Variants in MYMX observed in about 807,000 individuals in gnomAD.
MYMX encodes the protein myomixer, myoblast fusion factor, also known as protein myomixer.
chr6:44,199,143 A>G, the MYMX span, among the ~76,000 whole-genome samples: 1 of 152,036 alleles, frequency 6.6e-6, no homozygotes, highest in African/African-American at 2.4e-5. Flanking sequence ...ATATTACCAG[A>G]TTGGCCAGAT....
chr6:44,209,182 T>C, the MYMX span, among the ~76,000 whole-genome samples: 1 of 152,200 alleles, frequency 6.6e-6, no homozygotes, highest in Non-Finnish European at 1.5e-5. Context: ...CAGGCTGATC[T>C]TGAACTCCTA....
At chr6:44,211,816 G>A in the MYMX span, among the ~76,000 whole-genome samples, 2 of 151,126 alleles carry the variant, frequency 1.3e-5, no homozygotes, top group South Asian at 4.2e-4. Context: ...GTGTGTGTGT[G>A]TGTGTGTTTA....
chr6:44,214,983 G>A (rs9357436), upstream of MYMX, among the ~76,000 whole-genome samples: 18,878 of 152,160 alleles, frequency 0.12, 1,544 homozygotes, highest in East Asian at 0.25. Context: ...TACCTTCTCC[G>A]GAAGCAACTG....
the MYMX span, among the ~76,000 whole-genome samples, chr6:44,200,606 C>T: frequency 0.27 from 40,611 of 152,092 alleles, 5,685 homozygotes; most frequent in East Asian, 0.41. Context: ...TGAGCCATCG[C>T]GCCTGGCCAT....
chr6:44,204,700 C>T, the MYMX span, among the ~76,000 whole-genome samples: 1 of 152,148 alleles, frequency 6.6e-6, no homozygotes, highest in African/African-American at 2.4e-5. Flanking sequence ...CATTTCCTCC[C>T]CTCACCCTCT....
At chr6:44,195,123 A>C in the MYMX span, among the ~76,000 whole-genome samples, 1,520 of 151,982 alleles carry the variant, frequency 0.01, 22 homozygotes, top group African/African-American at 0.034. Flanking sequence ...GGTTCAAGCA[A>C]TTCTCCTGCC....
the MYMX span, among the ~76,000 whole-genome samples, chr6:44,211,203 G>C: frequency 2.0e-5 from 3 of 152,172 alleles, no homozygotes; most frequent in African/African-American, 7.2e-5. Flanking sequence ...TGCTGTAACA[G>C]TTTGTAACTG....
upstream of MYMX, among the ~76,000 whole-genome samples, chr6:44,213,896 G>GA (rs924535466): frequency 1.3e-5 from 2 of 152,126 alleles, no homozygotes; most frequent in African/African-American, 4.8e-5. Context: ...CTGCAACCTT[G>GA]AACTCCTGGG....
chr6:44,209,272 T>C, the MYMX span, among the ~76,000 whole-genome samples: 5 of 152,108 alleles, frequency 3.3e-5, no homozygotes, highest in Admixed American at 6.5e-5. Context: ...CTTCGTGCTC[T>C]TAAAGGACTC....
the MYMX span, among the ~76,000 whole-genome samples, chr6:44,197,088 C>G: frequency 6.6e-6 from 1 of 152,128 alleles, no homozygotes; most frequent in Non-Finnish European, 1.5e-5. Flanking sequence ...AATGCCATCT[C>G]TACTAAAAAT....
At chr6:44,210,887 G>T in the MYMX span, among the ~76,000 whole-genome samples, 1 of 152,192 alleles carries the variant, frequency 6.6e-6, no homozygotes, top group Non-Finnish European at 1.5e-5. Context: ...CCAGCACTTT[G>T]GGAGGCTGAA....
At chr6:44,204,346 C>T in the MYMX span, among the ~76,000 whole-genome samples, 1 of 152,126 alleles carries the variant, frequency 6.6e-6, no homozygotes, top group Non-Finnish European at 1.5e-5. Context: ...AAGGAGGTCA[C>T]AGATGAAGCC....
the MYMX span, among the ~76,000 whole-genome samples, chr6:44,208,078 A>G: frequency 2.6e-5 from 4 of 152,158 alleles, no homozygotes; most frequent in South Asian, 8.3e-4. Flanking sequence ...AAATACAAAA[A>G]TTATCCAGGC....
upstream of MYMX, among the ~76,000 whole-genome samples, chr6:44,212,313 A>G (rs916307109): frequency 6.6e-6 from 1 of 151,880 alleles, no homozygotes; most frequent in Non-Finnish European, 1.5e-5. Flanking sequence ...GCTGAGGTGG[A>G]AGGCTCAGCT....
chr6:44,209,134 T>C, the MYMX span, among the ~76,000 whole-genome samples: 1 of 152,266 alleles, frequency 6.6e-6, no homozygotes, highest in South Asian at 2.1e-4. Context: ...CAGCTAATTT[T>C]TGTATTTTTG....
At chr6:44,195,858 T>G in the MYMX span, among the ~76,000 whole-genome samples, 1 of 152,232 alleles carries the variant, frequency 6.6e-6, no homozygotes, top group Non-Finnish European at 1.5e-5. Flanking sequence ...TAAATTTACT[T>G]TTCTATTCTC....
In MYMX at chr6:44,217,381, C is replaced by T. The variant is rs919515196; in HGVS notation, c.-22-69C>T. 1.3e-5 allele frequency: 5 copies of T among 398,140 alleles called. No homozygotes were observed. The Admixed American group carries it at 2.2e-4, about 18-fold the overall frequency. 24.7% of individuals were successfully genotyped at this position (398,140 alleles called of 1,614,324 possible). A position where few individuals can be genotyped will look rare whatever the true frequency, so the allele number is the denominator to read the frequency against. On this transcript the variant is annotated intron_variant, in intron 1 of 1. Coordinates refer to ENST00000573382, the MANE Select transcript of MYMX (RefSeq NM_001315494.2). ...ACTGAAGGGAGGGGGAACTCCTGCC[C>T]ACCCCATGTCCTTGCCAGGTGAGGC...
chr6:44,201,950 A>G, the MYMX span, among the ~76,000 whole-genome samples: 1 of 152,128 alleles, frequency 6.6e-6, no homozygotes, highest in African/African-American at 2.4e-5. Context: ...AGAGCGACCA[A>G]CTCAGAAGCA....
At chr6:44,210,516 G>A in the MYMX span, among the ~76,000 whole-genome samples, 1 of 151,824 alleles carries the variant, frequency 6.6e-6, no homozygotes, top group Non-Finnish European at 1.5e-5. Flanking sequence ...AAGGCCTGGG[G>A]GCCTCAAGCG....
Sources: allele counts gnomAD v4.1 joint callset (sites outside exome capture counted in the v4.1 genomes callset), GRCh38; gene constraint gnomAD v4.1.1; transcripts MANE v1.5; gene names NCBI Gene and HGNC (gene_info 2026-07-23, HGNC 2026-07-21).